The following GLIS1 variants were observed in gnomAD, a reference collection of about 807,000 sequenced individuals.
GLIS1 encodes the protein GLIS family zinc finger 1.
In GLIS1, 24 loss-of-function variants were observed where a neutral mutation model predicts 63.8. That is an observed-to-expected ratio of 0.38 (90% CI 0.27 to 0.53). GLIS1 has a LOEUF of 0.53. GLIS1 is among the 20% of genes least tolerant of loss of function. The probability of loss-of-function intolerance (pLI) is 0.85; values close to 1 mark genes in which losing one functional copy is unlikely to be tolerated. For missense variants in GLIS1, 1,036 were observed against 1,074.1 expected (o/e 0.96, Z 0.50); for synonymous variants, 450 against 482.5 (o/e 0.93, Z 0.88).
chr1:53,655,736 C>T (rs1269122602), intron 2 of GLIS1, among the ~76,000 whole-genome samples: 1 of 152,192 alleles, frequency 6.6e-6, no homozygotes, highest in East Asian at 1.9e-4. Context: ...CCCTTGCCTA[C>T]ATGGGGGTCT....
At chr1:53,521,916 C>T (rs982908733) in intron 6 of GLIS1, among the ~76,000 whole-genome samples, 1 of 152,214 alleles carries the variant, frequency 6.6e-6, no homozygotes, top group Non-Finnish European at 1.5e-5. Flanking sequence ...TGCTCATCTT[C>T]CCCAGGACAA....
intron 4 of GLIS1, among the ~76,000 whole-genome samples, chr1:53,556,700 A>G (rs1644836091): frequency 6.9e-6 from 1 of 145,352 alleles, no homozygotes; most frequent in African/African-American, 2.6e-5. Context: ...GTGTGTGTGC[A>G]GGTGTACTGC....
chr1:53,708,298 A>G (rs1390503192), intron 2 of GLIS1, among the ~76,000 whole-genome samples: 2 of 152,060 alleles, frequency 1.3e-5, no homozygotes, highest in Non-Finnish European at 2.9e-5. Flanking sequence ...AAAAAAAGAA[A>G]GGAAAGCAAA....
At chr1:53,571,858 G>C (rs958179779) in intron 4 of GLIS1, among the ~76,000 whole-genome samples, 2 of 152,148 alleles carry the variant, frequency 1.3e-5, no homozygotes, top group Non-Finnish European at 2.9e-5. Flanking sequence ...GATTACAGGC[G>C]TGAGCCACCA....
intron 10 of GLIS1, among the ~76,000 whole-genome samples, chr1:53,508,830 A>G (rs1307264768): frequency 6.6e-6 from 1 of 152,256 alleles, no homozygotes; most frequent in African/African-American, 2.4e-5. Context: ...AAAGTGAAGC[A>G]GTAATTAAAC....
At chr1:53,600,357 C>G (rs1409287414) in intron 2 of GLIS1, 79 bp from the exon 3 acceptor site, 2 of 959,598 alleles carry the variant, frequency 2.1e-6, no homozygotes, top group Non-Finnish European at 2.7e-6. Context: ...AGGGCAGTCC[C>G]TGGGGTACAG....
chr1:53,652,277 G>A (rs565039103), intron 2 of GLIS1, among the ~76,000 whole-genome samples: 1 of 152,184 alleles, frequency 6.6e-6, no homozygotes, highest in Non-Finnish European at 1.5e-5. Context: ...TGAGGATGTG[G>A]AGATGAGTTG....
At chr1:53,697,998 C>A (rs1646483765) in intron 2 of GLIS1, among the ~76,000 whole-genome samples, 1 of 152,142 alleles carries the variant, frequency 6.6e-6, no homozygotes, top group Non-Finnish European at 1.5e-5. Flanking sequence ...CGTTTGAAAA[C>A]CTCCCTGTCT....
chr1:53,535,415 G>A (rs1241040321), intron 4 of GLIS1, among the ~76,000 whole-genome samples: 4 of 152,046 alleles, frequency 2.6e-5, no homozygotes, highest in African/African-American at 9.7e-5. Context: ...ACCGGTGCAG[G>A]AGGGTGCGAC....
chr1:53,704,290 T>G (rs961385223), intron 2 of GLIS1, among the ~76,000 whole-genome samples: 4 of 152,344 alleles, frequency 2.6e-5, no homozygotes, highest in African/African-American at 9.6e-5. Context: ...CTCAGCCTAC[T>G]TTCCACCCCT....
rs1325625772 is a variant in GLIS1, at chr1:53,727,123, T to G, written c.259+10683A>C. On this transcript the variant is annotated intron_variant, in intron 2 of 10. Coordinates refer to ENST00000628545, the MANE Select transcript of GLIS1 (RefSeq NM_001367484.1). ...GCCTAAGGCCTAGCAGGTAATGTAG[T>G]CAGGATCCAAACTCAGTTCCGACTC... is the stretch of plus-strand genomic sequence containing the variant. Among the ~76,000 whole-genome samples the G allele has an allele frequency of 3.3e-5, 5 of 152,346 alleles. 1 individual carries two copies. The Middle Eastern group carries it at 0.01, about 311-fold the overall frequency.
At chr1:53,628,925 C>G (rs966061603) in intron 2 of GLIS1, among the ~76,000 whole-genome samples, 2 of 152,176 alleles carry the variant, frequency 1.3e-5, no homozygotes, top group Non-Finnish European at 2.9e-5. Flanking sequence ...CCATCCACAG[C>G]AGTGGGTCCC....
At chr1:53,659,943 C>T (rs949505557) in intron 2 of GLIS1, among the ~76,000 whole-genome samples, 2 of 152,150 alleles carry the variant, frequency 1.3e-5, no homozygotes, top group Non-Finnish European at 2.9e-5. Context: ...AACAAAAAGG[C>T]CCCTGCCCTG....
At chr1:53,641,035 C>T (rs902059513) in intron 2 of GLIS1, among the ~76,000 whole-genome samples, 5 of 152,146 alleles carry the variant, frequency 3.3e-5, no homozygotes, top group African/African-American at 7.2e-5. Flanking sequence ...TTAAACCTGA[C>T]CCTGGGGCAG....
intron 4 of GLIS1, among the ~76,000 whole-genome samples, chr1:53,579,521 CA>C (rs1645064979): frequency 6.6e-6 from 1 of 152,262 alleles, no homozygotes. Flanking sequence ...CCTGGGTTCA[CA>C]ATATGGAGAC....
At chr1:53,553,996 A>G (rs943939372) in intron 4 of GLIS1, among the ~76,000 whole-genome samples, 1 of 152,168 alleles carries the variant, frequency 6.6e-6, no homozygotes, top group Non-Finnish European at 1.5e-5. Context: ...GTCAGCCTCA[A>G]CAGCCTCCTG....
At chr1:53,565,759 A>C (rs1644931500) in intron 4 of GLIS1, among the ~76,000 whole-genome samples, 1 of 152,110 alleles carries the variant, frequency 6.6e-6, no homozygotes, top group Non-Finnish European at 1.5e-5. Flanking sequence ...CAAGTTTACC[A>C]AATGTTCAAA....
At chr1:53,576,632 C>T (rs540757866) in intron 4 of GLIS1, among the ~76,000 whole-genome samples, 2 of 152,292 alleles carry the variant, frequency 1.3e-5, no homozygotes, top group Admixed American at 6.5e-5. Context: ...CTGGTATAAA[C>T]CCTGAGCAAA....
chr1:53,509,736 G>A (rs1381336762), intron 9 of GLIS1, 113 bp downstream of exon 9: 16 of 626,580 alleles, frequency 2.6e-5, no homozygotes, highest in Non-Finnish European at 2.4e-5. Flanking sequence ...GTGCCCAGCC[G>A]GTCATTCTCT....
Sources: gnomAD v4.1 joint callset for allele counts (sites outside exome capture counted in the v4.1 genomes callset) on GRCh38, gnomAD v4.1.1 for gene constraint, MANE v1.5 for transcripts, NCBI Gene and HGNC (gene_info 2026-07-23, HGNC 2026-07-21) for gene names.